The following MYO10 variants were observed in gnomAD, a reference collection of about 807,000 sequenced individuals.
The protein encoded by MYO10 is myosin X, also known as unconventional myosin-X.
In MYO10, 133 loss-of-function variants were observed where a neutral mutation model predicts 257.3. That is an observed-to-expected ratio of 0.52 (90% confidence interval 0.45 to 0.60). The LOEUF is 0.60. Among genes scored for constraint, MYO10 ranks in the 20% least tolerant of loss-of-function variants. The pLI, the probability that MYO10 is intolerant of heterozygous loss-of-function variation, is 0.00. For synonymous variants in MYO10, 1,104 were observed against 1,028.6 expected (o/e 1.07, Z -1.40); for missense variants, 2,399 against 2,635.7 (o/e 0.91, Z 1.97).
intron 14 of MYO10, 121 bp downstream of exon 14, chr5:16,763,360 T>C: frequency 1.3e-6 from 1 of 781,538 alleles, no homozygotes; most frequent in Admixed American, 2.2e-5. Flanking sequence ...AATGGTCCAT[T>C]GTGTTCTAAA....
intron 10 of MYO10, among the ~76,000 whole-genome samples, chr5:16,766,591 G>A (rs1469597714): frequency 6.6e-6 from 1 of 151,910 alleles, no homozygotes; most frequent in East Asian, 1.9e-4. Context: ...TACCACGCCT[G>A]GCTAATTTTT....
intron 2 of MYO10, among the ~76,000 whole-genome samples, chr5:16,839,811 G>C (rs191813386): frequency 1.3e-5 from 2 of 151,540 alleles, no homozygotes; most frequent in African/African-American, 4.8e-5. Context: ...GTAGGCTAAT[G>C]TAAGTGTTCT....
intron 1 of MYO10, among the ~76,000 whole-genome samples, chr5:16,909,255 T>A (rs1745594440): frequency 6.6e-6 from 1 of 152,040 alleles, no homozygotes; most frequent in Admixed American, 6.6e-5. Context: ...ACGCCCGTAA[T>A]CCCAGAACTT....
intron 19 of MYO10, among the ~76,000 whole-genome samples, chr5:16,719,229 G>C (rs1420641928): frequency 6.6e-6 from 1 of 152,102 alleles, no homozygotes; most frequent in African/African-American, 2.4e-5. Flanking sequence ...AGAAGGGACA[G>C]ACTCTAGACG....
intron 2 of MYO10, among the ~76,000 whole-genome samples, chr5:16,828,734 T>G (rs1044489021): frequency 1.3e-5 from 2 of 151,328 alleles, no homozygotes; most frequent in Non-Finnish European, 2.9e-5. Context: ...ACTAAGTTTG[T>G]TTTGTTTTGT....
rs1429401603 is a variant in MYO10, at chr5:16,689,912, T to C, written c.3808A>G (p.Ile1270Val). The change falls in exon 28 of 41, where the codon ATA becomes GTA. Residue 1270 changes from isoleucine (I) to valine (V), a missense_variant. Around this residue, in one of 3 missense-constraint regions of MYO10, gnomAD observed 1,820 missense variants for 1,939.4 expected, o/e 0.94. Transcript: ENST00000513610. ...CCATTCTCCTTGGTGGTGTTATCTA[T>C]GATCTCTCTGCAAAGAAGCAAAAGC... ...TVEVRTAKEI[I>V]DNTTKENGID... 3.1e-6 allele frequency: 5 copies of C among 1,612,292 alleles called. No individual in the cohort carries two copies. The highest frequency in any genetic ancestry group is 1.1e-5 in the South Asian group (1 of 91,056).
At chr5:16,774,886 T>C (rs1741170202) in intron 9 of MYO10, among the ~76,000 whole-genome samples, 1 of 152,184 alleles carries the variant, frequency 6.6e-6, no homozygotes, top group Non-Finnish European at 1.5e-5. Context: ...ATCTGACTCA[T>C]GACAAATGAA....
chr5:16,854,420 A>C (rs1561020185), intron 2 of MYO10, among the ~76,000 whole-genome samples: 1 of 152,212 alleles, frequency 6.6e-6, no homozygotes, highest in South Asian at 2.1e-4. Context: ...CCCTGAAAAC[A>C]TTATGCTAAG....
intron 26 of MYO10, among the ~76,000 whole-genome samples, chr5:16,696,063 CTTG>C (rs1737731624): frequency 2.0e-5 from 3 of 152,170 alleles, no homozygotes; most frequent in African/African-American, 2.4e-5. Flanking sequence ...ATTCTATTAT[CTTG>C]TTGTTGTTAA....
intron 21 of MYO10, among the ~76,000 whole-genome samples, chr5:16,705,984 A>ACCCT (rs1738313460): frequency 6.6e-6 from 1 of 152,056 alleles, no homozygotes; most frequent in Non-Finnish European, 1.5e-5. Context: ...GAGTTGGGAG[A>ACCCT]CCAGCCTGGC....
At chr5:16,761,616 G>T (rs1185556224) in intron 16 of MYO10, 70 bp from the exon 17 acceptor site, 9 of 1,069,756 alleles carry the variant, frequency 8.4e-6, no homozygotes, top group African/African-American at 1.6e-5. Context: ...CAACTTCCCT[G>T]AAAGAGCCAC....
intron 10 of MYO10, among the ~76,000 whole-genome samples, chr5:16,767,167 C>CTTTTTTTTT (rs35242676): frequency 9.5e-6 from 1 of 105,320 alleles, no homozygotes; most frequent in African/African-American, 3.6e-5. Context: ...ACCCAACTGT[C>CTTTTTTTTT]TTTTTTTTTT....
chr5:16,760,982 AAT>A (rs1457872198), intron 17 of MYO10, among the ~76,000 whole-genome samples: 1 of 138,106 alleles, frequency 7.2e-6, no homozygotes, highest in African/African-American at 3.0e-5. Flanking sequence ...TATTATTATT[AAT>A]TTATTTATTT....
At chr5:16,727,006 A>C (rs564984963) in intron 19 of MYO10, among the ~76,000 whole-genome samples, 140 of 152,368 alleles carry the variant, frequency 9.2e-4, no homozygotes, top group African/African-American at 3.3e-3. Context: ...AAAGCTAGAC[A>C]AACAGGGTGC....
chr5:16,699,391 G>A (rs1042199808), intron 26 of MYO10, 59 bp downstream of exon 26: 50 of 1,576,004 alleles, frequency 3.2e-5, no homozygotes, highest in Non-Finnish European at 4.0e-5. Context: ...CCATCAGCCC[G>A]GATAAAATAA....
intron 2 of MYO10, among the ~76,000 whole-genome samples, chr5:16,874,817 C>A (rs1327856517): frequency 1.3e-5 from 2 of 152,192 alleles, no homozygotes; most frequent in African/African-American, 4.8e-5. Context: ...GGGTATCTTT[C>A]CAGCAAGTAT....
At chr5:16,702,860 C>CA in intron 23 of MYO10, 65 bp downstream of exon 23, 1 of 1,411,028 alleles carries the variant, frequency 7.1e-7, no homozygotes, top group Non-Finnish European at 9.7e-7. Context: ...GCTGCACAGA[C>CA]AGATACCGAG....
In MYO10 at chr5:16,701,589, T is replaced by G. The variant is rs754490844; in HGVS notation, c.2806A>C (p.Arg936=). 2 of 1,613,704 alleles carry G rather than the reference T, an allele frequency of 1.2e-6. No individual in the cohort carries two copies. The highest frequency in any genetic ancestry group is 1.7e-6 in the Non-Finnish European group (2 of 1,179,818). The change falls in exon 25 of 41, where the codon AGG becomes CGG. Residue 936 remains arginine, a synonymous_variant. Coordinates refer to ENST00000513610, the MANE Select transcript of MYO10 (RefSeq NM_012334.3). This position sits in a 1 kb window ranked among gnomAD's most constrained non-coding sequence, Gnocchi z 8.1. ...GACTCGAGGAACTCCTGGGCCGCCC[T>G]GCACGCTTCCTCCTCCAGCCTGCGG... ...ELRRLEEEAC[R]AAQEFLESLN...
chr5:16,720,183 C>G (rs939653560), intron 19 of MYO10, among the ~76,000 whole-genome samples: 1 of 151,998 alleles, frequency 6.6e-6, no homozygotes. Context: ...GTAGAGAGCC[C>G]GAGATCTGGC....
Sources: allele counts gnomAD v4.1 joint callset (sites outside exome capture counted in the v4.1 genomes callset), GRCh38; gene constraint gnomAD v4.1.1; regional missense constraint gnomAD v4.1.1; non-coding constraint Gnocchi (gnomAD v3.1); transcripts MANE v1.5; gene names NCBI Gene and HGNC (gene_info 2026-07-23, HGNC 2026-07-21).